The following BTRC variants were observed in gnomAD, a reference collection of about 807,000 sequenced individuals.
The protein encoded by BTRC is F-box/WD repeat-containing protein 1A.
A neutral mutation model predicts 85.5 loss-of-function variants in BTRC; 42 were observed. That is an observed-to-expected ratio of 0.49 (90% CI 0.38 to 0.64). BTRC has a LOEUF of 0.64. Among genes scored for constraint, BTRC ranks in the 30% least tolerant of loss-of-function variants. BTRC has a pLI of 0.00. For missense variants in BTRC, 594 were observed against 743.5 expected, an observed-to-expected ratio of 0.80 and a Z score of 2.34; for synonymous variants, 255 against 263.3, an observed-to-expected ratio of 0.97 and a Z score of 0.30.
rs868458443 is a variant in BTRC at position 101,505,177 on chromosome 10, A to T, written c.325-16462A>T. On this transcript the variant is annotated intron_variant, in intron 4 of 14. Coordinates refer to ENST00000370187, the MANE Select transcript of BTRC (RefSeq NM_033637.4). Reference sequence around the variant, plus strand: ...TATATGTATATATATATATATATATATTTTTTAGTAGACACGAGGTTTCAC... The same window carrying T: ...TATATGTATATATATATATATATATTTTTTTTAGTAGACACGAGGTTTCAC... 3.5e-3 allele frequency among the ~76,000 whole-genome samples: 481 copies of T among 139,384 alleles called. 3 individuals carry two copies. Among genetic ancestry groups the T allele is most frequent in the Middle Eastern group, 0.011 (3 of 270 alleles). The allele number at this position is 139,384 out of a possible 152,430, so 91.4% of individuals were successfully genotyped here.
intron 2 of BTRC, among the ~76,000 whole-genome samples, chr10:101,434,390 A>G (rs1395040240): frequency 6.6e-6 from 1 of 152,174 alleles, no homozygotes; most frequent in Non-Finnish European, 1.5e-5. Flanking sequence ...TCCTTGTGCA[A>G]AACAATGAAC....
chr10:101,364,239 C>A (rs1292985367), intron 1 of BTRC, among the ~76,000 whole-genome samples: 2 of 152,154 alleles, frequency 1.3e-5, no homozygotes, highest in African/African-American at 4.8e-5. Flanking sequence ...TGATTGGATA[C>A]TCCTAGAATC....
intron 4 of BTRC, among the ~76,000 whole-genome samples, chr10:101,489,236 C>G (rs1946066854): frequency 6.6e-6 from 1 of 152,060 alleles, no homozygotes. Context: ...GTATCTAGGA[C>G]TCCCCCCAGA....
At chr10:101,410,094 T>G (rs2134020564) in intron 1 of BTRC, among the ~76,000 whole-genome samples, 1 of 152,270 alleles carries the variant, frequency 6.6e-6, no homozygotes, top group African/African-American at 2.4e-5. Context: ...CTGTTGTGGG[T>G]TTTCTTGTTT....
At position 101,444,888 on chromosome 10, in the gene BTRC, A is replaced by C. The variant is rs183407696; in HGVS notation, c.156+14436A>C. ...ACAGATTTCAGGTGTGGAGTAGTCT[A>C]ACCACCCTCCCTCATTTTGTTAGGT... On this transcript the variant is annotated intron_variant, in intron 2 of 14. Coordinates refer to ENST00000370187, the MANE Select transcript of BTRC (RefSeq NM_033637.4). 6.6e-5 allele frequency among the ~76,000 whole-genome samples: 10 copies of C among 152,302 alleles called. No homozygotes were observed. In the East Asian group the frequency reaches 1.9e-3, roughly 29 times the overall value.
intron 4 of BTRC, among the ~76,000 whole-genome samples, chr10:101,484,222 C>A (rs542828435): frequency 6.6e-6 from 1 of 152,246 alleles, no homozygotes; most frequent in South Asian, 2.1e-4. Flanking sequence ...TGTGATGTTC[C>A]TTTCCACTCA....
chr10:101,394,851 A>G (rs1943323960), intron 1 of BTRC, among the ~76,000 whole-genome samples: 1 of 152,178 alleles, frequency 6.6e-6, no homozygotes, highest in Non-Finnish European at 1.5e-5. Flanking sequence ...TTTCTTACAC[A>G]TACATGTAAT....
chr10:101,394,557 A>G (rs113090359), intron 1 of BTRC, among the ~76,000 whole-genome samples: 18 of 152,352 alleles, frequency 1.2e-4, no homozygotes, highest in African/African-American at 4.3e-4. Flanking sequence ...TCCCTACTCC[A>G]CAAAATACAT....
At chr10:101,359,335 C>T (rs1334538531) in intron 1 of BTRC, among the ~76,000 whole-genome samples, 1 of 152,138 alleles carries the variant, frequency 6.6e-6, no homozygotes, top group African/African-American at 2.4e-5. Flanking sequence ...TTTACCTATT[C>T]CCAGTTTAAA....
In BTRC at chr10:101,419,106, G is replaced by A. The variant is rs1223678735; in HGVS notation, c.49-11239G>A. Among the ~76,000 whole-genome samples the A allele has an allele frequency of 2.0e-5, 3 of 151,570 alleles. No individual in the cohort carries two copies. In the East Asian group the frequency reaches 5.8e-4, roughly 29 times the overall value. ...GCTCACTGCAACCTCTGCCTCCCAG[G>A]TTCTGGCAATTCTCCTGCCTCAGCC... On this transcript the variant is annotated intron_variant, in intron 1 of 14. Coordinates refer to ENST00000370187, the MANE Select transcript of BTRC (RefSeq NM_033637.4).
chr10:101,392,602 C>T (rs928988164), intron 1 of BTRC, among the ~76,000 whole-genome samples: 5 of 152,222 alleles, frequency 3.3e-5, no homozygotes, highest in African/African-American at 7.2e-5. Context: ...CAGGTTCAAG[C>T]GATTCTCTTA....
Position 101,557,163 on chromosome 10 carries a change from T to TAC in BTRC, c.*4040_*4041insAC, listed in dbSNP as rs1187445814. The TAC allele has an allele frequency of 1.3e-5, 2 of 152,238 alleles. No individual in the cohort carries two copies. Among genetic ancestry groups the TAC allele is most frequent in the African/African-American group, 4.8e-5 (2 of 41,458 alleles). The allele number at this position is 152,238 out of a possible 1,614,324, so 9.4% of individuals were successfully genotyped here. On this transcript the variant is annotated 3_prime_UTR_variant, in exon 15 of 15. Transcript: ENST00000370187. Reference sequence around the variant, plus strand: ...CTTTGTTCTCTAGACTCTTAAGTACTGACTGCTTTGACTTTTGTGATTATG... The same window carrying TAC: ...CTTTGTTCTCTAGACTCTTAAGTACTACGACTGCTTTGACTTTTGTGATTATG...
intron 6 of BTRC, among the ~76,000 whole-genome samples, chr10:101,527,573 T>C (rs571245458): frequency 6.6e-6 from 1 of 152,102 alleles, no homozygotes; most frequent in Non-Finnish European, 1.5e-5. Flanking sequence ...GGCAACATAT[T>C]GAGACCTCAT....
chr10:101,427,608 G>T (rs1031430479), intron 1 of BTRC, among the ~76,000 whole-genome samples: 10 of 151,088 alleles, frequency 6.6e-5, no homozygotes, highest in African/African-American at 2.4e-4. Context: ...GCTCATTGCT[G>T]CCCTGATATC....
chr10:101,458,472 A>G (rs915514722), intron 2 of BTRC, among the ~76,000 whole-genome samples: 2 of 152,172 alleles, frequency 1.3e-5, no homozygotes, highest in Non-Finnish European at 2.9e-5. Context: ...GCTGTATACC[A>G]AAAAGGGTAA....
intron 4 of BTRC, among the ~76,000 whole-genome samples, chr10:101,516,265 A>G (rs1452168587): frequency 6.6e-6 from 1 of 152,150 alleles, no homozygotes; most frequent in Non-Finnish European, 1.5e-5. Context: ...TTTGTTCCTT[A>G]CAAAAACCCA....
intron 13 of BTRC, among the ~76,000 whole-genome samples, chr10:101,547,660 CTTATGTTTAGCAA>C (rs1207192687): frequency 1.3e-5 from 2 of 151,982 alleles, no homozygotes; most frequent in Non-Finnish European, 2.9e-5. Flanking sequence ...TATTATTGCC[CTTATGTTTAGCAA>C]TTTCATGATT....
In BTRC at chr10:101,434,462, G is replaced by A. The variant is rs537553855; in HGVS notation, c.156+4010G>A. On this transcript the variant is annotated intron_variant, in intron 2 of 14. Transcript: ENST00000370187. ...TTGAAATGGATCATAGACCTAAATC[G>A]GAGTTAACATGTATAAAACTAATAG... Among the ~76,000 whole-genome samples, 274 of 152,032 alleles carry A rather than the reference G, an allele frequency of 1.8e-3. 1 individual carries two copies. The highest frequency in any genetic ancestry group is 6.3e-3 in the African/African-American group (262 of 41,464).
chr10:101,556,391 T>A lies in BTRC; in HGVS notation c.*3268T>A, dbSNP rs1311622042. On this transcript the variant is annotated 3_prime_UTR_variant, in exon 15 of 15. Coordinates refer to ENST00000370187, the MANE Select transcript of BTRC (RefSeq NM_033637.4). ...GAATACTGGAAATAATCAGGGCAATTTTTTTCTTTCCCATAATTGGACTAG... is the reference window on the plus strand; with the variant it reads ...GAATACTGGAAATAATCAGGGCAATATTTTTCTTTCCCATAATTGGACTAG... The A allele has an allele frequency of 6.6e-6, 1 of 152,076 alleles. No homozygotes were observed. The highest frequency in any genetic ancestry group is 1.5e-5 in the Non-Finnish European group (1 of 68,024). The allele number at this position is 152,076 out of a possible 1,614,324, so 9.4% of individuals were successfully genotyped here.
Sources: allele counts gnomAD v4.1 joint callset (sites outside exome capture counted in the v4.1 genomes callset), GRCh38; gene constraint gnomAD v4.1.1; transcripts MANE v1.5; gene names NCBI Gene and HGNC (gene_info 2026-07-23, HGNC 2026-07-21).